Variants in TRPM2 observed in about 807,000 individuals in gnomAD.
The protein encoded by TRPM2 is estrogen-responsive element-associated gene 1 protein.
Under a neutral mutation model 174.0 loss-of-function variants are expected in TRPM2, and 161 were observed. The observed-to-expected ratio is 0.93, with a 90% CI of 0.81 to 1.05. The LOEUF (loss-of-function observed/expected upper bound fraction) is 1.05, where lower values mean the gene tolerates loss of function less well. Among genes scored for constraint, TRPM2 ranks in the 50% least tolerant of loss-of-function variants. The probability of loss-of-function intolerance (pLI) is 0.00; values close to 1 mark genes in which losing one functional copy is unlikely to be tolerated. For missense variants in TRPM2, 2,057 were observed against 2,038.0 expected, an observed-to-expected ratio of 1.01 and a Z score of -0.18; for synonymous variants, 954 against 861.3, an observed-to-expected ratio of 1.11 and a Z score of -1.88.
intron 16 of TRPM2, among the ~76,000 whole-genome samples, chr21:44,404,007 CATGCACAT>C (rs2049749678): frequency 6.6e-6 from 1 of 150,998 alleles, no homozygotes; most frequent in South Asian, 2.1e-4. Context: ...CACATACACA[CATGCACAT>C]ACACAAATAT....
Position 44,441,849 on chromosome 21 carries a change from T to C in TRPM2, c.*32T>C. On this transcript the variant is annotated 3_prime_UTR_variant, in exon 32 of 32. Coordinates refer to ENST00000397928, the MANE Select transcript of TRPM2 (RefSeq NM_003307.4). ...CCTCAGGCTGGGCGGCTCCAGTCCA[T>C]AGACGTTCCCCCCAGAAACCAGGGC... 6.4e-7 allele frequency: 1 copy of C among 1,564,074 alleles called. No individual in the cohort carries two copies. The highest frequency in any genetic ancestry group is 1.2e-5 in the South Asian group (1 of 83,974).
At chr21:44,404,752 G>A (rs2049804918) in intron 16 of TRPM2, among the ~76,000 whole-genome samples, 1 of 151,546 alleles carries the variant, frequency 6.6e-6, no homozygotes, top group African/African-American at 2.4e-5. Context: ...GATAGTGACA[G>A]TGATAGTGAT....
intron 11 of TRPM2, among the ~76,000 whole-genome samples, chr21:44,395,193 C>T (rs192649674): frequency 3.1e-4 from 47 of 152,296 alleles, no homozygotes; most frequent in African/African-American, 8.7e-4. Context: ...GTTAGACGGG[C>T]GTTTCACTTT....
At chr21:44,434,944 T>C (rs1239849208) in intron 27 of TRPM2, among the ~76,000 whole-genome samples, 187 bp from the exon 28 acceptor site, 5 of 152,034 alleles carry the variant, frequency 3.3e-5, no homozygotes, top group African/African-American at 1.2e-4. Context: ...AGAGCCTTGG[T>C]CTCACTCCTT....
At position 44,400,342 on chromosome 21, in the gene TRPM2, G is replaced by A. The variant is rs148173972; in HGVS notation, c.2292G>A (p.Pro764=). Residue 764 remains proline (P), a synonymous_variant, in exon 15 of 32, where the codon CCG becomes CCA. Coordinates refer to ENST00000397928, the MANE Select transcript of TRPM2 (RefSeq NM_003307.4). ...TGACCCTGTGCATGCTGGCCTTCCC[G>A]CTGCTCCTCACCGGCCTCATCTCCT... ...WRVTLCMLAF[P]LLLTGLISFR... The A allele has an allele frequency of 4.8e-5, 78 of 1,612,282 alleles. No individual in the cohort carries two copies. Among genetic ancestry groups the A allele is most frequent in the Middle Eastern group, 3.3e-4 (2 of 6,082 alleles).
rs1460512689 is a variant in TRPM2, at chr21:44,440,916, G to A, written c.4386+11G>A. 6.2e-7 allele frequency: 1 copy of A among 1,612,572 alleles called. No homozygotes were observed. Among genetic ancestry groups the A allele is most frequent in the Non-Finnish European group, 8.5e-7 (1 of 1,179,084 alleles). ...AACAGGCTGAACTCTGTATGTGCCT[G>A]GCCTCCCTGGAGGCGGGAGTGGGGA... is the stretch of plus-strand genomic sequence containing the variant. On this transcript the variant is annotated intron_variant, in intron 31 of 31. Coordinates refer to ENST00000397928, the MANE Select transcript of TRPM2 (RefSeq NM_003307.4).
chr21:44,354,600 T>C lies in TRPM2; in HGVS notation c.166-48T>C, dbSNP rs1602109553. 2 of 1,538,594 alleles carry C rather than the reference T, an allele frequency of 1.3e-6. No individual in the cohort carries two copies. ...AGATGTGTCTCCAGGGGGCTGGGTG[T>C]GCTCTTTCGAATGTTGGAAGATCTC... On this transcript the variant is annotated intron_variant, in intron 1 of 31. Transcript: ENST00000397928. This position sits in a 1 kb window ranked among gnomAD's most constrained non-coding sequence, Gnocchi z 4.3.
At chr21:44,421,984 C>A (rs1230848898) in intron 22 of TRPM2, among the ~76,000 whole-genome samples, 1 of 152,218 alleles carries the variant, frequency 6.6e-6, no homozygotes, top group South Asian at 2.1e-4. Flanking sequence ...TCCGCTGGGC[C>A]GCTGGCTGGT....
chr21:44,419,677 G>A (rs1264812621), intron 22 of TRPM2, among the ~76,000 whole-genome samples: 2 of 151,178 alleles, frequency 1.3e-5, no homozygotes, highest in East Asian at 3.9e-4. Flanking sequence ...GATGATGATG[G>A]TGATTCTGAT....
chr21:44,403,539 CAT>C (rs45509499), intron 16 of TRPM2, among the ~76,000 whole-genome samples: 25 of 150,698 alleles, frequency 1.7e-4, no homozygotes, highest in African/African-American at 3.0e-4. Context: ...TGCACACACA[CAT>C]AGGCACACAC....
chr21:44,377,814 C>A, intron 7 of TRPM2, 41 bp downstream of exon 7: 1 of 1,609,454 alleles, frequency 6.2e-7, no homozygotes, highest in South Asian at 1.1e-5. Context: ...GTGGGCCCGT[C>A]CTGCTGCAGG....
Position 44,440,713 on chromosome 21 carries a change from G to A in TRPM2, c.4270-76G>A, listed in dbSNP as rs2051466793. 2.6e-5 allele frequency: 33 copies of A among 1,269,430 alleles called. 1 individual carries two copies. The South Asian group carries it at 3.6e-4, about 14-fold the overall frequency. 78.6% of individuals were successfully genotyped at this position (1,269,430 alleles called of 1,614,324 possible). On this transcript the variant is annotated intron_variant, in intron 30 of 31. Coordinates refer to ENST00000397928, the MANE Select transcript of TRPM2 (RefSeq NM_003307.4). ...AAGCTGTGCTCAGAGCTGGGTCAGG[G>A]TGGAGGGCACGAGGTGGGCCGGGGC...
At chr21:44,368,183 G>A (rs527882927) in intron 4 of TRPM2, among the ~76,000 whole-genome samples, 7 of 151,550 alleles carry the variant, frequency 4.6e-5, no homozygotes, top group Admixed American at 3.9e-4. Flanking sequence ...GCAGTAGCAC[G>A]ATCTCAGCTC....
rs1009095315 is a variant in TRPM2 at position 44,354,062 on chromosome 21, T to C, written c.165+197T>C. ...TCGTCTTCTGTGGGTTGCATGACCA[T>C]TTCCCATGGTTGGTCTGATTGGGAA... is the stretch of plus-strand genomic sequence containing the variant. On this transcript the variant is annotated intron_variant, in intron 1 of 31. Coordinates refer to ENST00000397928, the MANE Select transcript of TRPM2 (RefSeq NM_003307.4). This position sits in a 1 kb window ranked among gnomAD's most constrained non-coding sequence, Gnocchi z 4.3. 1.3e-5 allele frequency among the ~76,000 whole-genome samples: 2 copies of C among 152,208 alleles called. No homozygotes were observed. The highest frequency in any genetic ancestry group is 4.8e-5 in the African/African-American group (2 of 41,452).
intron 28 of TRPM2, among the ~76,000 whole-genome samples, chr21:44,436,444 C>T (rs1462171422): frequency 2.0e-5 from 3 of 152,040 alleles, no homozygotes; most frequent in Admixed American, 6.5e-5. Flanking sequence ...CTCTGCTCCC[C>T]AGTCCTTTGG....
chr21:44,362,365 A>AAAAAAAAAAAG (rs1201529326), intron 2 of TRPM2, among the ~76,000 whole-genome samples: 8 of 144,298 alleles, frequency 5.5e-5, no homozygotes, highest in Non-Finnish European at 1.1e-4. Context: ...AAAAAAAAAA[A>AAAAAAAAAAAG]GCCAGATGTG....
At chr21:44,401,569 T>C in intron 15 of TRPM2, 112 bp from the exon 16 acceptor site, 1 of 1,147,416 alleles carries the variant, frequency 8.7e-7, no homozygotes, top group Non-Finnish European at 1.3e-6. Context: ...CTTTTGCCTC[T>C]AAAAGCACAT....
chr21:44,369,970 C>T, intron 5 of TRPM2, among the ~76,000 whole-genome samples: 1 of 131,350 alleles, frequency 7.6e-6, no homozygotes, highest in Non-Finnish European at 1.6e-5. Flanking sequence ...GCGGGGGAGG[C>T]GGGGTGTGGG....
chr21:44,422,576 T>A (rs1358975548), intron 22 of TRPM2, among the ~76,000 whole-genome samples: 1 of 152,218 alleles, frequency 6.6e-6, no homozygotes, highest in Non-Finnish European at 1.5e-5. Flanking sequence ...AAATAGTTGC[T>A]CAGTGTATTA....
Sources: allele counts gnomAD v4.1 joint callset (sites outside exome capture counted in the v4.1 genomes callset), GRCh38; gene constraint gnomAD v4.1.1; non-coding constraint Gnocchi (gnomAD v3.1); transcripts MANE v1.5; gene names NCBI Gene and HGNC (gene_info 2026-07-23, HGNC 2026-07-21).